The following CCR5AS variants were observed in gnomAD, a reference collection of about 807,000 sequenced individuals.
The protein encoded by CCR5AS is CCR5 antisense RNA.
intron 2 of CCR5AS, among the ~76,000 whole-genome samples, chr3:46,381,109 A>C (rs1482812392): frequency 6.6e-6 from 1 of 152,100 alleles, no homozygotes. Context: ...TTATGTTTTC[A>C]CCCTTCCTTT....
intron 2 of CCR5AS, among the ~76,000 whole-genome samples, chr3:46,384,556 GA>G (rs573134302): frequency 1.3e-5 from 2 of 152,036 alleles, no homozygotes; most frequent in Non-Finnish European, 2.9e-5. Flanking sequence ...AGGTTAAAAA[GA>G]AAAAAATTTC....
chr3:46,396,613 G>A (rs1364894839), intron 1 of CCR5AS, among the ~76,000 whole-genome samples: 1 of 152,204 alleles, frequency 6.6e-6, no homozygotes, highest in Admixed American at 6.5e-5. Context: ...GGGAACTGGA[G>A]CTGCCTGCCC....
intron 3 of CCR5AS, among the ~76,000 whole-genome samples, chr3:46,367,622 G>A (rs3136535): frequency 0.11 from 16,128 of 152,230 alleles, 1,041 homozygotes; most frequent in Non-Finnish European, 0.14. Flanking sequence ...CCAGGTTGGA[G>A]TGCAATGGCC....
At chr3:46,373,121 CAT>C in intron 2 of CCR5AS, 1 of 1,614,144 alleles carries the variant, frequency 6.2e-7, no homozygotes, top group Non-Finnish European at 8.5e-7. Flanking sequence ...TCAACCTGGC[CAT>C]CTCTGACCTG....
At chr3:46,387,882 G>A (rs77820121) in intron 2 of CCR5AS, among the ~76,000 whole-genome samples, 8,779 of 152,192 alleles carry the variant, frequency 0.058, 818 homozygotes, top group African/African-American at 0.2. Context: ...GGGTACAGGC[G>A]GGGGTCACAA....
intron 2 of CCR5AS, among the ~76,000 whole-genome samples, chr3:46,386,523 A>T (rs1268539080): frequency 6.6e-6 from 1 of 152,240 alleles, no homozygotes; most frequent in Admixed American, 6.5e-5. Context: ...TGAGATGGTG[A>T]GAAAGCAAGG....
At chr3:46,405,452 T>C (rs961995980) in intron 1 of CCR5AS, among the ~76,000 whole-genome samples, 1 of 152,154 alleles carries the variant, frequency 6.6e-6, no homozygotes, top group African/African-American at 2.4e-5. Flanking sequence ...AAGTCTGACT[T>C]GACTTTCCTT....
chr3:46,397,857 C>T (rs190911229), intron 1 of CCR5AS, among the ~76,000 whole-genome samples: 69 of 152,298 alleles, frequency 4.5e-4, no homozygotes, highest in African/African-American at 1.6e-3. Context: ...TTACAACAAA[C>T]GGTCATTGAA....
intron 1 of CCR5AS, chr3:46,393,055 GA>G: frequency 6.5e-6 from 1 of 152,788 alleles, no homozygotes; most frequent in Non-Finnish European, 1.5e-5. Flanking sequence ...GACTGAGTCT[GA>G]AAAAGGAGTC....
intron 1 of CCR5AS, among the ~76,000 whole-genome samples, chr3:46,396,397 G>C (rs774369557): frequency 6.6e-5 from 10 of 152,156 alleles, no homozygotes; most frequent in Non-Finnish European, 1.0e-4. Context: ...CCACGGTCTT[G>C]TGACATTGTG....
intron 2 of CCR5AS, among the ~76,000 whole-genome samples, chr3:46,386,558 T>G (rs1701864636): frequency 6.6e-6 from 1 of 152,074 alleles, no homozygotes; most frequent in African/African-American, 2.4e-5. Context: ...AAATCCAGAA[T>G]ATAGAAAGTT....
intron 3 of CCR5AS, among the ~76,000 whole-genome samples, chr3:46,370,597 T>TTGTACAAAAC (rs1450229812): frequency 6.6e-6 from 1 of 152,242 alleles, no homozygotes; most frequent in African/African-American, 2.4e-5. Flanking sequence ...AATCATTTGC[T>TTGTACAAAAC]TCTTGGATAG....
At chr3:46,388,482 G>A (rs1701881309) in intron 2 of CCR5AS, among the ~76,000 whole-genome samples, 2 of 152,164 alleles carry the variant, frequency 1.3e-5, no homozygotes, top group Non-Finnish European at 2.9e-5. Context: ...GAGGACCCAG[G>A]ACATCCAATT....
chr3:46,380,623 T>C (rs1229936363), intron 2 of CCR5AS, among the ~76,000 whole-genome samples: 1 of 152,218 alleles, frequency 6.6e-6, no homozygotes, highest in African/African-American at 2.4e-5. Flanking sequence ...CATGTTTTGA[T>C]GGTGCTTCCC....
At chr3:46,393,486 G>GA (rs1336598367) in intron 1 of CCR5AS, among the ~76,000 whole-genome samples, 193 of 136,208 alleles carry the variant, frequency 1.4e-3, no homozygotes, top group African/African-American at 4.9e-3. Flanking sequence ...GAAAAGAAAA[G>GA]AAAAAAAAAG....
At chr3:46,373,852 C>T in intron 2 of CCR5AS, 2 of 1,614,048 alleles carry the variant, frequency 1.2e-6, no homozygotes, top group Non-Finnish European at 1.7e-6. Flanking sequence ...AAGCACATTG[C>T]CAAACGCTTC....
intron 3 of CCR5AS, among the ~76,000 whole-genome samples, chr3:46,368,455 C>T (rs1001504708): frequency 2.6e-5 from 4 of 152,186 alleles, no homozygotes; most frequent in African/African-American, 9.7e-5. Flanking sequence ...CATGGGTCCC[C>T]ACTTTCTTGT....
At chr3:46,389,645 G>A (rs1327268717) in intron 2 of CCR5AS, among the ~76,000 whole-genome samples, 1 of 152,186 alleles carries the variant, frequency 6.6e-6, no homozygotes, top group Non-Finnish European at 1.5e-5. Context: ...TGCTAGTGTG[G>A]GAGCTGTCTC....
At chr3:46,386,287 G>A (rs142959977) in intron 2 of CCR5AS, among the ~76,000 whole-genome samples, 16 of 152,222 alleles carry the variant, frequency 1.1e-4, no homozygotes, top group South Asian at 8.3e-4. Context: ...TCTCTGACTC[G>A]TCCTTGAATT....
Sources: gnomAD v4.1 joint callset for allele counts (sites outside exome capture counted in the v4.1 genomes callset) on GRCh38, gnomAD v4.1.1 for gene constraint, MANE v1.5 for transcripts, NCBI Gene and HGNC (gene_info 2026-07-23, HGNC 2026-07-21) for gene names.